SLC27A3: variants seen among roughly 807,000 people sequenced by gnomAD.
SLC27A3 encodes the protein solute carrier family 27 member 3.
In SLC27A3, 60 loss-of-function variants were observed where a neutral mutation model predicts 60.1. That is an observed-to-expected ratio of 1.00 (90% CI 0.81 to 1.24). The LOEUF is 1.24. Among genes scored for constraint, SLC27A3 ranks in the 50% most tolerant of loss-of-function variants. The pLI, the probability that SLC27A3 is intolerant of heterozygous loss-of-function variation, is 0.00. For missense variants in SLC27A3, 1,079 were observed against 929.9 expected, an observed-to-expected ratio of 1.16 and a Z score of -2.09; for synonymous variants, 455 against 409.0, an observed-to-expected ratio of 1.11 and a Z score of -1.36.
chr1:153,777,990 G>A, intron 4 of SLC27A3, 105 bp downstream of exon 4: 1 of 1,542,666 alleles, frequency 6.5e-7, no homozygotes, highest in Admixed American at 1.9e-5. Context: ...GCAGCAAGAA[G>A]AAAATGGCAG....
At position 153,778,802 on chromosome 1, in the gene SLC27A3, T is replaced by G; in HGVS notation, c.1563T>G (p.Asp521Glu). 1 of 1,614,156 alleles carries G rather than the reference T, an allele frequency of 6.2e-7. No individual in the cohort carries two copies. Among genetic ancestry groups the G allele is most frequent in the Non-Finnish European group, 8.5e-7 (1 of 1,180,018 alleles). ...TAAAGGATGTCTTCCGGCCTGGGGA[T>G]GTTTTCTTCAACACTGGGGACCTGC... Reference protein sequence around the residue: ...KLLKDVFRPGDVFFNTGDLLV... With the variant: ...KLLKDVFRPGEVFFNTGDLLV... Residue 521 changes from aspartate (D) to glutamate (E), a missense_variant, in exon 7 of 10, where the codon GAT becomes GAG. Asp to Glu is a conservative substitution (Grantham distance 45). Coordinates refer to ENST00000624995, the MANE Select transcript of SLC27A3 (RefSeq NM_024330.4).
intron 6 of SLC27A3, 40 bp from the exon 7 acceptor site, chr1:153,778,647 G>A: frequency 6.2e-7 from 1 of 1,611,924 alleles, no homozygotes; most frequent in Middle Eastern, 1.6e-4. Context: ...GAAGGCTCTG[G>A]GAAAGGTGAC....
Position 153,775,682 on chromosome 1 carries a change from AG to A in SLC27A3, c.191del (p.Gly64AlafsTer48), listed in dbSNP as rs770447338. 4 of 1,535,558 alleles carry A rather than the reference AG, an allele frequency of 2.6e-6. No homozygotes were observed. The highest frequency in any genetic ancestry group is 1.7e-6 in the Non-Finnish European group (2 of 1,143,474). ...GCTGCCGCCGACCCGGAAGGTCCCG[AG>A]GGGGGCTGCAGCCTGGCCTGGCGCC... ...AAAAADPEGP[E>X]GGCSLAWRLA... On this transcript the variant is annotated frameshift_variant, in exon 1 of 10. Transcript: ENST00000624995. LOFTEE classifies it high-confidence loss of function.
In SLC27A3 at chr1:153,779,903, G is replaced by T. The variant is rs761325021; in HGVS notation, c.1953G>T (p.Leu651=). 23 of 1,613,926 alleles carry T rather than the reference G, an allele frequency of 1.4e-5. No individual in the cohort carries two copies. The African/African-American group carries it at 2.5e-4, about 18-fold the overall frequency. The change falls in exon 10 of 10, where the codon CTG becomes CTT. Residue 651 remains leucine (L), a synonymous_variant. Coordinates refer to ENST00000624995, the MANE Select transcript of SLC27A3 (RefSeq NM_024330.4). ...MANEGFDPST[L]SDPLYVLDQA... is the part of the protein sequence containing the mutation. Reference sequence around the variant, plus strand: ...ATGAGGGCTTCGACCCCAGCACCCTGTCTGACCCACTGTACGTTCTGGACC... The same window carrying T: ...ATGAGGGCTTCGACCCCAGCACCCTTTCTGACCCACTGTACGTTCTGGACC...
At position 153,775,765 on chromosome 1, in the gene SLC27A3, C is replaced by A; in HGVS notation, c.268C>A (p.Arg90Ser). ...AHTFLIHGSR[R>S]FSYSEAERES... is the part of the protein sequence containing the mutation. ...CACCTTTCTCATTCACGGCTCGCGG[C>A]GCTTTAGCTACTCAGAGGCGGAGCG... Residue 90 changes from arginine to serine, a missense_variant, in exon 1 of 10, where the codon CGC becomes AGC. By Grantham distance (110) the Arg-to-Ser change is moderately radical (BLOSUM62 -1). Transcript: ENST00000624995. 1.3e-6 allele frequency: 2 copies of A among 1,504,868 alleles called. No individual in the cohort carries two copies. Among genetic ancestry groups the A allele is most frequent in the Non-Finnish European group, 1.8e-6 (2 of 1,131,936 alleles). The allele number at this position is 1,504,868 out of a possible 1,614,324, so 93.2% of individuals were successfully genotyped here. A position where few individuals can be genotyped will look rare whatever the true frequency, so the allele number is the denominator to read the frequency against.
chr1:153,777,650 C>T, intron 3 of SLC27A3, 111 bp from the exon 4 acceptor site: 1 of 1,373,206 alleles, frequency 7.3e-7, no homozygotes, highest in East Asian at 2.3e-5. Flanking sequence ...CACAGTGGGC[C>T]CTTCCCAGGG....
rs1673245473 is a variant in SLC27A3 at position 153,776,685 on chromosome 1, A to G, written c.835A>G (p.Ile279Val). Residue 279 changes from isoleucine to valine, a missense_variant, in exon 2 of 10, where the codon ATA (isoleucine) becomes GTA (valine). Ile to Val is a conservative substitution (Grantham distance 29). Transcript: ENST00000624995. ...VPGYLSSPQS[I>V]TDTCLYIFTS... ...AGGATACCTCTCTTCCCCCCAGAGC[A>G]TAACAGACACGTGCCTGTACATCTT... 2 of 1,614,014 alleles carry G rather than the reference A, an allele frequency of 1.2e-6. No individual in the cohort carries two copies. Among genetic ancestry groups the G allele is most frequent in the Non-Finnish European group, 1.7e-6 (2 of 1,180,000 alleles).
rs559005134 is a variant in SLC27A3 at position 153,775,904 on chromosome 1, G to A, written c.407G>A (p.Gly136Glu). 3.4e-6 allele frequency: 5 copies of A among 1,474,810 alleles called. No homozygotes were observed. Among genetic ancestry groups the A allele is most frequent in the Non-Finnish European group, 1.8e-6 (2 of 1,120,008 alleles). The allele number at this position is 1,474,810 out of a possible 1,614,324, so 91.4% of individuals were successfully genotyped here. ...SAGEGERAAP[G>E]AGDAAAGSGA... ...GGAGAAGGCGAGCGGGCAGCGCCGG[G>A]AGCCGGAGATGCAGCGGCCGGAAGC... The change falls in exon 1 of 10, where the codon GGA (glycine) becomes GAA (glutamate). Residue 136 changes from glycine to glutamate, a missense_variant. Transcript: ENST00000624995.
Position 153,775,740 on chromosome 1 carries a change from C to A in SLC27A3, c.243C>A (p.His81Gln), listed in dbSNP as rs199514238. Reference protein sequence around the residue: ...LAELAQQRAAHTFLIHGSRRF... With the variant: ...LAELAQQRAAQTFLIHGSRRF... ...AACTGGCCCAGCAGCGCGCCGCGCA[C>A]ACCTTTCTCATTCACGGCTCGCGGC... Residue 81 changes from histidine to glutamine, a missense_variant, in exon 1 of 10, where the codon CAC (histidine) becomes CAA (glutamine). Coordinates refer to ENST00000624995, the MANE Select transcript of SLC27A3 (RefSeq NM_024330.4). The A allele has an allele frequency of 1.2e-4, 188 of 1,515,934 alleles. No homozygotes were observed. The African/African-American group carries it at 2.4e-3, about 19-fold the overall frequency. 93.9% of individuals were successfully genotyped at this position (1,515,934 alleles called of 1,614,324 possible).
At chr1:153,778,082 G>A in intron 4 of SLC27A3, 79 bp from the exon 5 acceptor site, 1 of 1,526,998 alleles carries the variant, frequency 6.5e-7, no homozygotes, top group Non-Finnish European at 8.8e-7. Context: ...GGGGGTTCTG[G>A]GGAATGGGGA....
chr1:153,777,160 G>T lies in SLC27A3; in HGVS notation c.976G>T (p.Ala326Ser), dbSNP rs759993538. ...GVHQEDVIYL[A>S]LPLYHMSGSL... ...CCACCAGGAAGATGTGATCTACCTC[G>T]CCCTCCCACTCTACCACATGTCCGG... Residue 326 changes from alanine (A) to serine (S), a missense_variant, in exon 3 of 10, where the codon GCC becomes TCC. By Grantham distance (99) the Ala-to-Ser change is moderately conservative (BLOSUM62 1). Coordinates refer to ENST00000624995, the MANE Select transcript of SLC27A3 (RefSeq NM_024330.4). The T allele has an allele frequency of 1.2e-6, 2 of 1,614,206 alleles. No homozygotes were observed. The highest frequency in any genetic ancestry group is 1.3e-5 in the African/African-American group (1 of 75,046).
At position 153,778,303 on chromosome 1, in the gene SLC27A3, T is replaced by C; in HGVS notation, c.1304T>C (p.Ile435Thr). Residue 435 changes from isoleucine (I) to threonine (T), a missense_variant, in exon 5 of 10, where the codon ATC becomes ACC. Ile to Thr is a moderately conservative substitution (Grantham distance 89). Coordinates refer to ENST00000624995, the MANE Select transcript of SLC27A3 (RefSeq NM_024330.4). ...CTGACAGAGGGCAACGTGGCCACCA[T>C]CAACTACACAGGACAGCGGGGCGCT... is the stretch of plus-strand genomic sequence containing the variant. ...YGLTEGNVAT[I>T]NYTGQRGAVG... The C allele has an allele frequency of 6.2e-7, 1 of 1,613,944 alleles. No individual in the cohort carries two copies. Among genetic ancestry groups the C allele is most frequent in the Non-Finnish European group, 8.5e-7 (1 of 1,179,960 alleles).
chr1:153,779,465 A>G lies in SLC27A3; in HGVS notation c.1867A>G (p.Arg623Gly). 6.2e-7 allele frequency: 1 copy of G among 1,612,860 alleles called. No homozygotes were observed. The highest frequency in any genetic ancestry group is 8.5e-7 in the Non-Finnish European group (1 of 1,179,822). ...LPPYARPRFL[R>G]LQESLATTET... Reference sequence around the variant, plus strand: ...ACCTTATGCCCGGCCCCGATTCCTCAGGCTCCAGGTAACCGGCCACTTCCC... The same window carrying G: ...ACCTTATGCCCGGCCCCGATTCCTCGGGCTCCAGGTAACCGGCCACTTCCC... The change falls in exon 9 of 10, where the codon AGG (arginine) becomes GGG (glycine). Residue 623 changes from arginine to glycine, a missense_variant. By Grantham distance (125) the Arg-to-Gly change is moderately radical. Transcript: ENST00000624995.
At position 153,775,815 on chromosome 1, in the gene SLC27A3, C is replaced by T. The variant is rs1450538492; in HGVS notation, c.318C>T (p.Ala106=). 2 of 1,495,552 alleles carry T rather than the reference C, an allele frequency of 1.3e-6. No individual in the cohort carries two copies. The highest frequency in any genetic ancestry group is 1.8e-6 in the Non-Finnish European group (2 of 1,126,874). 92.6% of individuals were successfully genotyped at this position (1,495,552 alleles called of 1,614,324 possible). ...AERESNRAAR[A]FLRALGWDWG... ...GCGAGAGTAACAGGGCTGCACGCGC[C>T]TTCCTACGTGCGCTAGGCTGGGACT... The change falls in exon 1 of 10, where the codon GCC becomes GCT. Residue 106 remains alanine (A), a synonymous_variant. Transcript: ENST00000624995.
At chr1:153,777,359 A>G in intron 3 of SLC27A3, 139 bp downstream of exon 3, 1 of 1,056,058 alleles carries the variant, frequency 9.5e-7, no homozygotes, top group Non-Finnish European at 1.4e-6. Context: ...TCTGTACAAT[A>G]GGGCAATGTC....
chr1:153,777,232 C>G lies in SLC27A3; in HGVS notation c.1036+12C>G, dbSNP rs1381269041. 6.2e-7 allele frequency: 1 copy of G among 1,613,992 alleles called. No individual in the cohort carries two copies. The highest frequency in any genetic ancestry group is 8.5e-7 in the Non-Finnish European group (1 of 1,179,850). ...CTGCATGGGCATTGGTCAGTCTCCC[C>G]AACCCCACCTTCATTAATTCATCCA... On this transcript the variant is annotated intron_variant, in intron 3 of 9. Coordinates refer to ENST00000624995, the MANE Select transcript of SLC27A3 (RefSeq NM_024330.4).
In SLC27A3 at chr1:153,776,137, G is replaced by GGCGC. The variant is rs754136629; in HGVS notation, c.649_652dup (p.Leu218ArgfsTer39). On this transcript the variant is annotated frameshift_variant, in exon 1 of 10. Coordinates refer to ENST00000624995, the MANE Select transcript of SLC27A3 (RefSeq NM_024330.4). LOFTEE classifies it high-confidence loss of function. The stretch of plus-strand genomic sequence containing the variant: ...CCTGCTGCACTGCCTCCGCAGCTGC[G>GGCGC]GCGCGCGCGCGCTGGTGCTGGCGCC... 2.9e-5 allele frequency: 41 copies of GGCGC among 1,433,698 alleles called. No homozygotes were observed. In the African/African-American group the frequency reaches 3.9e-4, roughly 13 times the overall value. The allele number at this position is 1,433,698 out of a possible 1,614,324, so 88.8% of individuals were successfully genotyped here.
chr1:153,777,191 T>C lies in SLC27A3; in HGVS notation c.1007T>C (p.Leu336Pro), dbSNP rs1247120833. Residue 336 changes from leucine (L) to proline (P), a missense_variant, in exon 3 of 10, where the codon CTG becomes CCG. Coordinates refer to ENST00000624995, the MANE Select transcript of SLC27A3 (RefSeq NM_024330.4). ...CCACTCTACCACATGTCCGGTTCCCTGCTGGGCATCGTGGGCTGCATGGGC... is the reference window on the plus strand; with the variant it reads ...CCACTCTACCACATGTCCGGTTCCCCGCTGGGCATCGTGGGCTGCATGGGC... ...ALPLYHMSGS[L>P]LGIVGCMGIG... is the part of the protein sequence containing the mutation. 6.2e-7 allele frequency: 1 copy of C among 1,614,290 alleles called. No homozygotes were observed. Among genetic ancestry groups the C allele is most frequent in the South Asian group, 1.1e-5 (1 of 91,092 alleles).
intron 2 of SLC27A3, 37 bp downstream of exon 2, chr1:153,776,764 A>G (rs749972661): frequency 1.3e-6 from 2 of 1,594,058 alleles, no homozygotes; most frequent in Admixed American, 3.4e-5. Context: ...CCCCGAAACC[A>G]AGGCAGAGGA....
Sources: gnomAD v4.1 joint callset for allele counts on GRCh38, gnomAD v4.1.1 for gene constraint, MANE v1.5 for transcripts, NCBI Gene and HGNC (gene_info 2026-07-23, HGNC 2026-07-21) for gene names.